The following NUMB variants were observed in gnomAD, a reference collection of about 807,000 sequenced individuals.
NUMB encodes the protein NUMB endocytic adaptor protein.
In NUMB, 29 loss-of-function variants were observed where a neutral mutation model predicts 59.7. The ratio of observed to expected loss-of-function variants is 0.49; its 90% CI spans 0.36 to 0.66. The LOEUF is 0.66. Among genes scored for constraint, NUMB ranks in the 30% least tolerant of loss-of-function variants. The probability of loss-of-function intolerance (pLI) is 0.00; values close to 1 mark genes in which losing one functional copy is unlikely to be tolerated. For missense variants in NUMB, 723 were observed against 822.0 expected, an observed-to-expected ratio of 0.88 and a Z score of 1.47; for synonymous variants, 288 against 288.2, an observed-to-expected ratio of 1.00 and a Z score of 0.01.
At chr14:73,371,807 C>T (rs996636592) in intron 2 of NUMB, among the ~76,000 whole-genome samples, 3 of 152,172 alleles carry the variant, frequency 2.0e-5, no homozygotes, top group African/African-American at 7.2e-5. Flanking sequence ...TTCTCCGGAA[C>T]AGACAACTGG....
chr14:73,414,255 C>T (rs1026349076), intron 1 of NUMB, among the ~76,000 whole-genome samples: 5 of 152,116 alleles, frequency 3.3e-5, no homozygotes, highest in Non-Finnish European at 7.3e-5. Flanking sequence ...CACACCCAGC[C>T]TTCATTTACT....
chr14:73,327,296 C>T (rs1198079766), intron 4 of NUMB, among the ~76,000 whole-genome samples: 1 of 152,162 alleles, frequency 6.6e-6, no homozygotes, highest in Non-Finnish European at 1.5e-5. Flanking sequence ...CTCACTCTGT[C>T]GCCAGACTGG....
intron 2 of NUMB, among the ~76,000 whole-genome samples, chr14:73,378,427 T>C (rs948309764): frequency 6.6e-6 from 1 of 152,232 alleles, no homozygotes; most frequent in African/African-American, 2.4e-5. Context: ...GGAAAACTTA[T>C]GTCCACACAA....
At chr14:73,288,191 A>G (rs1022552513) in intron 8 of NUMB, among the ~76,000 whole-genome samples, 2 of 152,126 alleles carry the variant, frequency 1.3e-5, no homozygotes, top group Non-Finnish European at 2.9e-5. Context: ...AGATGGGCAA[A>G]TTGCTTGAGC....
chr14:73,360,923 T>A (rs554467115), intron 3 of NUMB, among the ~76,000 whole-genome samples: 123 of 152,226 alleles, frequency 8.1e-4, no homozygotes, highest in African/African-American at 2.7e-3. Context: ...AGGGTATCAC[T>A]CTGTCACCCA....
At chr14:73,299,979 T>TA (rs1890039073) in intron 6 of NUMB, among the ~76,000 whole-genome samples, 1 of 152,192 alleles carries the variant, frequency 6.6e-6, no homozygotes, top group African/African-American at 2.4e-5. Context: ...TGTAGTTTGT[T>TA]AAAAGGATTA....
intron 1 of NUMB, among the ~76,000 whole-genome samples, chr14:73,438,843 T>G (rs1882815895): frequency 6.6e-6 from 1 of 152,074 alleles, no homozygotes. Context: ...TTCACAAGTG[T>G]CTGGGTTTCA....
intron 1 of NUMB, among the ~76,000 whole-genome samples, chr14:73,439,931 T>C (rs1012449132): frequency 6.6e-6 from 1 of 152,174 alleles, no homozygotes; most frequent in African/African-American, 2.4e-5. Context: ...CTGAACTTCA[T>C]TTACCGTTCA....
At chr14:73,381,672 A>C (rs1186706497) in intron 2 of NUMB, among the ~76,000 whole-genome samples, 1 of 152,220 alleles carries the variant, frequency 6.6e-6, no homozygotes, top group Non-Finnish European at 1.5e-5. Context: ...TTTTAAATAA[A>C]GGCACCTTTC....
In NUMB at chr14:73,277,013, A is replaced by G; in HGVS notation, c.1521T>C (p.Pro507=). Residue 507 remains proline (P), a synonymous_variant, in exon 13 of 13, where the codon CCT becomes CCC. Coordinates refer to ENST00000555238, the MANE Select transcript of NUMB (RefSeq NM_001005743.2). Reference sequence around the variant, plus strand: ...CATTGGCCACAGGATAGGACTGGGCAGGGACAAAGGCTGGTTGCAGGGCTG... The same window carrying G: ...CATTGGCCACAGGATAGGACTGGGCGGGGACAAAGGCTGGTTGCAGGGCTG... ...VVPALQPAFV[P]AQSYPVANGM... The G allele has an allele frequency of 6.2e-7, 1 of 1,614,162 alleles. No individual in the cohort carries two copies. Among genetic ancestry groups the G allele is most frequent in the Non-Finnish European group, 8.5e-7 (1 of 1,180,028 alleles).
At chr14:73,419,297 T>A (rs1897257411) in intron 1 of NUMB, among the ~76,000 whole-genome samples, 1 of 152,064 alleles carries the variant, frequency 6.6e-6, no homozygotes, top group African/African-American at 2.4e-5. Flanking sequence ...GATCACAAGA[T>A]CAGGAGATTG....
intron 1 of NUMB, among the ~76,000 whole-genome samples, chr14:73,433,155 C>T (rs556533147): frequency 6.6e-6 from 1 of 151,554 alleles, no homozygotes; most frequent in Non-Finnish European, 1.5e-5. Flanking sequence ...TGCAGTGAGC[C>T]AAGATTGCAG....
intron 6 of NUMB, among the ~76,000 whole-genome samples, chr14:73,312,828 G>A (rs117095740): frequency 6.6e-6 from 1 of 152,048 alleles, no homozygotes; most frequent in East Asian, 1.9e-4. Context: ...AAAATACAGT[G>A]TAAGTTATCT....
chr14:73,347,430 G>GC (rs1370789961), intron 4 of NUMB, among the ~76,000 whole-genome samples: 1 of 151,924 alleles, frequency 6.6e-6, no homozygotes, highest in African/African-American at 2.4e-5. Context: ...GTTTCCTTAT[G>GC]CCCCATGTAA....
At chr14:73,316,749 C>T (rs1891105090) in intron 5 of NUMB, among the ~76,000 whole-genome samples, 1 of 152,120 alleles carries the variant, frequency 6.6e-6, no homozygotes. Context: ...GCAGAGAAAA[C>T]AATAGGGCAT....
chr14:73,283,627 T>C (rs568576021), intron 10 of NUMB, among the ~76,000 whole-genome samples: 3 of 152,272 alleles, frequency 2.0e-5, no homozygotes, highest in East Asian at 3.9e-4. Flanking sequence ...CTGTCTAGAG[T>C]TTCCTCCTTA....
chr14:73,443,679 C>T (rs1018677880), intron 1 of NUMB, among the ~76,000 whole-genome samples: 1 of 151,612 alleles, frequency 6.6e-6, no homozygotes, highest in African/African-American at 2.4e-5. Context: ...GAGCTGGAGT[C>T]TTGCTCTGTC....
At chr14:73,299,870 G>A (rs564731418) in intron 6 of NUMB, among the ~76,000 whole-genome samples, 1 of 152,146 alleles carries the variant, frequency 6.6e-6, no homozygotes, top group African/African-American at 2.4e-5. Context: ...AATGGGCTTT[G>A]GATTAAGACA....
chr14:73,338,939 G>C (rs1405399415), intron 4 of NUMB, among the ~76,000 whole-genome samples: 2 of 152,148 alleles, frequency 1.3e-5, no homozygotes, highest in Non-Finnish European at 2.9e-5. Flanking sequence ...GTTGTACTTT[G>C]ATAAGAATTT....
Sources: allele counts gnomAD v4.1 joint callset (sites outside exome capture counted in the v4.1 genomes callset), GRCh38; gene constraint gnomAD v4.1.1; transcripts MANE v1.5; gene names NCBI Gene and HGNC (gene_info 2026-07-23, HGNC 2026-07-21).